Variants in LRFN5 observed in about 807,000 individuals in gnomAD.
LRFN5 encodes leucine-rich repeat and fibronectin type-III domain-containing protein 5.
Under a neutral mutation model 45.6 loss-of-function variants are expected in LRFN5, and 24 were observed. That is an observed-to-expected ratio of 0.53 (90% CI 0.38 to 0.74). The LOEUF is 0.74. Ranked by LOEUF, LRFN5 falls within the 30% of genes least tolerant of loss-of-function variation. The pLI is 0.00. For synonymous variants in LRFN5, 340 were observed against 313.8 expected, an observed-to-expected ratio of 1.08 and a Z score of -0.88; for missense variants, 776 against 861.5, an observed-to-expected ratio of 0.90 and a Z score of 1.24.
intron 1 of LRFN5, among the ~76,000 whole-genome samples, chr14:41,685,428 A>G (rs1372747816): frequency 7.9e-5 from 12 of 152,026 alleles, no homozygotes. Context: ...ACAGATAGAG[A>G]AAAATGTGTT....
intron 1 of LRFN5, among the ~76,000 whole-genome samples, chr14:41,670,934 T>G (rs930826186): frequency 1.3e-5 from 2 of 152,060 alleles, no homozygotes; most frequent in Non-Finnish European, 2.9e-5. Context: ...TGTAAAAACC[T>G]TGAACTGACT....
intron 1 of LRFN5, among the ~76,000 whole-genome samples, chr14:41,641,847 T>G (rs558008855): frequency 6.6e-6 from 1 of 152,274 alleles, no homozygotes; most frequent in South Asian, 2.1e-4. Flanking sequence ...GATGTTCCTT[T>G]GTTTTTATAG....
intron 1 of LRFN5, among the ~76,000 whole-genome samples, chr14:41,674,819 G>A (rs563400860): frequency 6.8e-4 from 103 of 150,966 alleles, no homozygotes; most frequent in Non-Finnish European, 1.2e-3. Flanking sequence ...GGCGGCTGCC[G>A]GGAGGAGGGG....
chr14:41,734,316 T>TTATATATA lies in LRFN5; in HGVS notation c.-196-32516_-196-32509dup, dbSNP rs60855395. On this transcript the variant is annotated intron_variant, in intron 1 of 5. Coordinates refer to ENST00000298119, the MANE Select transcript of LRFN5 (RefSeq NM_152447.5). ...GTGAGCCACCTTTCCTGGACTGGTT[T>TTATATATA]TATATATATATATATATATATATAT... Among the ~76,000 whole-genome samples the TTATATATA allele has an allele frequency of 5.3e-3, 204 of 38,784 alleles. 26 individuals are homozygous for TTATATATA. Among genetic ancestry groups the TTATATATA allele is most frequent in the East Asian group, 0.048 (18 of 374 alleles). 25.4% of individuals were successfully genotyped at this position (38,784 alleles called of 152,430 possible).
intron 2 of LRFN5, among the ~76,000 whole-genome samples, chr14:41,829,702 G>A (rs1888413158): frequency 7.0e-6 from 1 of 142,352 alleles, no homozygotes; most frequent in African/African-American, 2.5e-5. Context: ...ATTTGTGTGT[G>A]TGCTTACCTT....
intron 2 of LRFN5, among the ~76,000 whole-genome samples, chr14:41,844,391 C>T (rs1211398352): frequency 1.3e-5 from 2 of 149,620 alleles, no homozygotes; most frequent in East Asian, 3.9e-4. Context: ...GAGCGGAGAT[C>T]TTGCCACCAC....
At chr14:41,659,810 G>A (rs1442715245) in intron 1 of LRFN5, among the ~76,000 whole-genome samples, 1 of 151,550 alleles carries the variant, frequency 6.6e-6, no homozygotes, top group Non-Finnish European at 1.5e-5. Context: ...CAATGATGAT[G>A]AGCTTTTTTT....
chr14:41,889,727 A>G (rs909490728), intron 3 of LRFN5, among the ~76,000 whole-genome samples: 1 of 152,318 alleles, frequency 6.6e-6, no homozygotes, highest in East Asian at 1.9e-4. Context: ...TTAAATTTTA[A>G]TGTATACAAA....
At chr14:41,902,230 A>G (rs1399506189) in intron 5 of LRFN5, among the ~76,000 whole-genome samples, 1 of 151,864 alleles carries the variant, frequency 6.6e-6, no homozygotes, top group Non-Finnish European at 1.5e-5. Context: ...CATGATATCC[A>G]CTCACTCTTA....
chr14:41,904,197 C>G lies in LRFN5; in HGVS notation c.*22C>G, dbSNP rs775441743. 6.2e-7 allele frequency: 1 copy of G among 1,609,454 alleles called. No homozygotes were observed. Among genetic ancestry groups the G allele is most frequent in the Non-Finnish European group, 8.5e-7 (1 of 1,178,714 alleles). ...CTGAAGAGCACCACTTCTCCTCTCT[C>G]TCCTGAAAAAATTTGCCACTGATAT... is the stretch of plus-strand genomic sequence containing the variant. On this transcript the variant is annotated 3_prime_UTR_variant, in exon 6 of 6. Transcript: ENST00000298119.
chr14:41,652,827 A>AT (rs1054420612), intron 1 of LRFN5, among the ~76,000 whole-genome samples: 1 of 151,802 alleles, frequency 6.6e-6, no homozygotes, highest in Middle Eastern at 3.4e-3. Context: ...AGCATCTGTT[A>AT]TTTTTTTTCC....
rs199889078 is a variant in LRFN5, at chr14:41,806,506, TTGAG to T, written c.-21+39479_-21+39482del. Among the ~76,000 whole-genome samples the T allele has an allele frequency of 6.3e-3, 957 of 152,296 alleles. 31 individuals carry two copies. The highest frequency in any genetic ancestry group is 0.054 in the Admixed American group (826 of 15,292). Reference sequence around the variant, plus strand: ...GAAGTGATAGCACTTAAGATAGATCTTGAGTAACTAAAAGCTTTGCTGTGATTAC... The same window carrying T: ...GAAGTGATAGCACTTAAGATAGATCTTAACTAAAAGCTTTGCTGTGATTAC... On this transcript the variant is annotated intron_variant, in intron 2 of 5. Transcript: ENST00000298119.
intron 1 of LRFN5, among the ~76,000 whole-genome samples, chr14:41,625,109 A>T (rs558601436): frequency 1.3e-5 from 2 of 152,312 alleles, no homozygotes; most frequent in African/African-American, 4.8e-5. Flanking sequence ...ATATTTAAAG[A>T]TAAATAATGA....
chr14:41,873,382 A>T (rs993972750), intron 2 of LRFN5, among the ~76,000 whole-genome samples: 2 of 148,538 alleles, frequency 1.3e-5, no homozygotes, highest in Non-Finnish European at 3.0e-5. Flanking sequence ...CCTAAGACAG[A>T]AGAGAGAGAA....
Position 41,653,440 on chromosome 14 carries a change from C to T in LRFN5, c.-197+44878C>T, listed in dbSNP as rs189444064. ...GAGAATCCTAATATTAAACTTTCAG[C>T]CTCCAGAATTATGAGAAATAAATTT... On this transcript the variant is annotated intron_variant, in intron 1 of 5. Transcript: ENST00000298119. Among the ~76,000 whole-genome samples the T allele has an allele frequency of 2.9e-3, 435 of 152,090 alleles. 5 individuals are homozygous for T. Among genetic ancestry groups the T allele is most frequent in the African/African-American group, 1.0e-2 (414 of 41,498 alleles).
At chr14:41,786,254 G>A (rs903472678) in intron 2 of LRFN5, among the ~76,000 whole-genome samples, 1 of 152,000 alleles carries the variant, frequency 6.6e-6, no homozygotes, top group Admixed American at 6.6e-5. Flanking sequence ...GTTCTATCTA[G>A]TTTCATTTTT....
intron 1 of LRFN5, chr14:41,731,300 C>T (rs1884167192): frequency 6.6e-6 from 1 of 152,028 alleles, no homozygotes; most frequent in African/African-American, 2.4e-5. Flanking sequence ...AATGCTCTCT[C>T]TCTCTCTCTT....
At chr14:41,678,463 C>T (rs1881737844) in intron 1 of LRFN5, among the ~76,000 whole-genome samples, 1 of 152,020 alleles carries the variant, frequency 6.6e-6, no homozygotes, top group African/African-American at 2.4e-5. Flanking sequence ...GATTTCAATA[C>T]CCCATTTTCA....
chr14:41,834,679 T>C (rs889185529), intron 2 of LRFN5, among the ~76,000 whole-genome samples: 2 of 152,164 alleles, frequency 1.3e-5, no homozygotes, highest in Non-Finnish European at 2.9e-5. Context: ...GTTGTGTTTG[T>C]GAGACAGGTT....
Sources: gnomAD v4.1 joint callset for allele counts (sites outside exome capture counted in the v4.1 genomes callset) on GRCh38, gnomAD v4.1.1 for gene constraint, MANE v1.5 for transcripts, NCBI Gene and HGNC (gene_info 2026-07-23, HGNC 2026-07-21) for gene names.